The following FAM168B variants were observed in gnomAD, a reference collection of about 807,000 sequenced individuals.
FAM168B encodes family with sequence similarity 168 member B.
In FAM168B, 19 loss-of-function variants were observed where a neutral mutation model predicts 21.8. That is an observed-to-expected ratio of 0.87 (90% CI 0.61 to 1.28). The LOEUF (loss-of-function observed/expected upper bound fraction) is 1.28. Among genes scored for constraint, FAM168B ranks in the 50% most tolerant of loss-of-function variants. FAM168B has a pLI of 0.00. For synonymous variants in FAM168B, 126 were observed against 104.8 expected (o/e 1.20, Z -1.24); for missense variants, 233 against 263.1 (o/e 0.89, Z 0.79).
At chr2:131,053,115 A>G in intron 5 of FAM168B, 100 bp from the exon 6 acceptor site, 2 of 1,417,122 alleles carry the variant, frequency 1.4e-6, no homozygotes. Flanking sequence ...GGAGGAGGGT[A>G]TACAGGAAGA....
chr2:131,088,255 A>C (rs1339559248), intron 1 of FAM168B, among the ~76,000 whole-genome samples: 2 of 152,112 alleles, frequency 1.3e-5, no homozygotes, highest in Non-Finnish European at 2.9e-5. Context: ...GGGGGGAAAA[A>C]AAAATCAAAT....
chr2:131,092,927 C>CAAG (rs1694109051), intron 1 of FAM168B, among the ~76,000 whole-genome samples: 2 of 152,142 alleles, frequency 1.3e-5, no homozygotes, highest in South Asian at 4.1e-4. Context: ...TTCCTGACGG[C>CAAG]TGTGACCCCG....
rs191724021 is a variant in FAM168B at position 131,063,242 on chromosome 2, C to A, written c.155-7547G>T. Among the ~76,000 whole-genome samples the A allele has an allele frequency of 4.5e-4, 69 of 152,180 alleles. No homozygotes were observed. The East Asian group carries it at 0.01, about 22-fold the overall frequency. Reference sequence around the variant, plus strand: ...TCACTGTGAAATTTCTGCAACTTTTCTGTGACATCTGAAATTTTTTACAAT... The same window carrying A: ...TCACTGTGAAATTTCTGCAACTTTTATGTGACATCTGAAATTTTTTACAAT... On this transcript the variant is annotated intron_variant, in intron 3 of 6. Coordinates refer to ENST00000389915, the MANE Select transcript of FAM168B (RefSeq NM_001009993.4).
intron 3 of FAM168B, among the ~76,000 whole-genome samples, chr2:131,058,364 C>T (rs1692128252): frequency 6.6e-6 from 1 of 152,186 alleles, no homozygotes; most frequent in African/African-American, 2.4e-5. Flanking sequence ...CATGCCCTTT[C>T]ATGGTCTCAC....
intron 1 of FAM168B, among the ~76,000 whole-genome samples, chr2:131,085,598 T>G (rs1170696216): frequency 1.3e-5 from 2 of 152,228 alleles, no homozygotes; most frequent in African/African-American, 4.8e-5. Context: ...AGCAATCCTG[T>G]AGTAAGAAGA....
At chr2:131,078,693 CA>C (rs1319420633) in intron 2 of FAM168B, among the ~76,000 whole-genome samples, 3 of 152,036 alleles carry the variant, frequency 2.0e-5, no homozygotes, top group Non-Finnish European at 4.4e-5. Flanking sequence ...TTCAAAGAGG[CA>C]AAAATTATTC....
intron 3 of FAM168B, among the ~76,000 whole-genome samples, chr2:131,065,337 T>C (rs936879178): frequency 2.0e-5 from 3 of 152,154 alleles, no homozygotes; most frequent in African/African-American, 7.2e-5. Flanking sequence ...TTTACCTCTA[T>C]GAATGTAAAC....
intron 3 of FAM168B, among the ~76,000 whole-genome samples, chr2:131,068,156 CTTTTTCT>C (rs904830805): frequency 1.3e-5 from 2 of 152,122 alleles, no homozygotes; most frequent in Non-Finnish European, 2.9e-5. Context: ...ATCAGAAAGA[CTTTTTCT>C]TTTTTCTTTT....
intron 3 of FAM168B, among the ~76,000 whole-genome samples, chr2:131,069,872 T>G (rs1345484902): frequency 1.3e-5 from 2 of 151,372 alleles, no homozygotes; most frequent in African/African-American, 4.9e-5. Flanking sequence ...TTTTTTTTTT[T>G]GGTTGAGACG....
chr2:131,061,910 T>C (rs1692319378), intron 3 of FAM168B, among the ~76,000 whole-genome samples: 2 of 152,080 alleles, frequency 1.3e-5, no homozygotes, highest in South Asian at 2.1e-4. Context: ...CAGTTAGGCA[T>C]AGGCTGGAAA....
intron 2 of FAM168B, among the ~76,000 whole-genome samples, chr2:131,076,115 C>A (rs1477275669): frequency 6.6e-6 from 1 of 152,182 alleles, no homozygotes; most frequent in Non-Finnish European, 1.5e-5. Context: ...ACTGCTTTAG[C>A]TGGTCTCGGG....
intron 2 of FAM168B, among the ~76,000 whole-genome samples, chr2:131,078,068 G>A (rs1370697823): frequency 6.6e-6 from 1 of 152,190 alleles, no homozygotes; most frequent in Non-Finnish European, 1.5e-5. Context: ...AGCAAAAGAA[G>A]ACATCATCAG....
Position 131,048,663 on chromosome 2 carries a change from T to C in FAM168B, c.*3802A>G, listed in dbSNP as rs1691448087. ...TACTGATAAAGCATGTCCTCTGCAG[T>C]ATACTCAAGAGTCTGCTGCCCTTCA... On this transcript the variant is annotated 3_prime_UTR_variant, in exon 7 of 7. Coordinates refer to ENST00000389915, the MANE Select transcript of FAM168B (RefSeq NM_001009993.4). The C allele has an allele frequency of 9.0e-6, 9 of 1,003,702 alleles. No homozygotes were observed. Among genetic ancestry groups the C allele is most frequent in the Admixed American group, 5.9e-5 (1 of 17,010 alleles). The allele number at this position is 1,003,702 out of a possible 1,614,324, so 62.2% of individuals were successfully genotyped here.
At chr2:131,062,523 C>T (rs1035929673) in intron 3 of FAM168B, among the ~76,000 whole-genome samples, 3 of 152,228 alleles carry the variant, frequency 2.0e-5, no homozygotes, top group Admixed American at 2.0e-4. Context: ...TCTCAGCTCA[C>T]TGCAACCTCT....
rs1430531834 is a variant in FAM168B, at chr2:131,049,783, T to C, written c.*2682A>G. On this transcript the variant is annotated 3_prime_UTR_variant, in exon 7 of 7. Transcript: ENST00000389915. ...GAATGTCAAACACACAAAAAGCAAA[T>C]TTCTCAGAATGCTCCACCATATGCT... 4.1e-6 allele frequency: 4 copies of C among 985,702 alleles called. No homozygotes were observed. Among genetic ancestry groups the C allele is most frequent in the Non-Finnish European group, 4.8e-6 (4 of 829,936 alleles). 61.1% of individuals were successfully genotyped at this position (985,702 alleles called of 1,614,324 possible).
intron 3 of FAM168B, among the ~76,000 whole-genome samples, chr2:131,061,018 A>AC (rs1553451825): frequency 7.6e-4 from 109 of 143,274 alleles, no homozygotes; most frequent in Non-Finnish European, 1.0e-3. Flanking sequence ...AGCCTGGCTA[A>AC]TTTTTTTTTT....
At chr2:131,085,672 G>A (rs1213435561) in intron 1 of FAM168B, among the ~76,000 whole-genome samples, 1 of 152,140 alleles carries the variant, frequency 6.6e-6, no homozygotes, top group Non-Finnish European at 1.5e-5. Flanking sequence ...GGAATAAACT[G>A]GCAACTTTAG....
chr2:131,066,368 G>A (rs552043080), intron 3 of FAM168B, among the ~76,000 whole-genome samples: 6 of 151,900 alleles, frequency 3.9e-5, no homozygotes, highest in Non-Finnish European at 7.4e-5. Flanking sequence ...GTAGAGACGG[G>A]GTTTCACCGT....
intron 3 of FAM168B, among the ~76,000 whole-genome samples, chr2:131,064,763 A>AC (rs540352376): frequency 5.1e-4 from 78 of 152,136 alleles, no homozygotes; most frequent in South Asian, 4.2e-3. Context: ...GAGAACAGTG[A>AC]CCCCCCCAGG....
Sources: allele counts gnomAD v4.1 joint callset (sites outside exome capture counted in the v4.1 genomes callset), GRCh38; gene constraint gnomAD v4.1.1; transcripts MANE v1.5; gene names NCBI Gene and HGNC (gene_info 2026-07-23, HGNC 2026-07-21).